Variants in ZC3H3 observed in about 807,000 individuals in gnomAD.
ZC3H3 encodes zinc finger CCCH domain-containing protein 3.
Under a neutral mutation model 77.3 loss-of-function variants are expected in ZC3H3, and 36 were observed. The ratio of observed to expected loss-of-function variants is 0.47; its 90% confidence interval spans 0.36 to 0.61. The LOEUF is 0.61. Ranked by LOEUF, ZC3H3 falls within the 20% of genes least tolerant of loss-of-function variation. The pLI, the probability that ZC3H3 is intolerant of heterozygous loss-of-function variation, is 0.00. For missense variants in ZC3H3, 1,331 were observed against 1,312.2 expected (o/e 1.01, Z -0.22); for synonymous variants, 626 against 555.2 (o/e 1.13, Z -1.79).
In ZC3H3 at chr8:143,462,950, C is replaced by T. The variant is rs1363783035; in HGVS notation, c.2307+2767G>A. On this transcript the variant is annotated intron_variant, in intron 9 of 11. Coordinates refer to ENST00000262577, the MANE Select transcript of ZC3H3 (RefSeq NM_015117.3). The surrounding 1 kb of genome is among the most constrained non-coding windows in gnomAD (Gnocchi z 4.7). Reference sequence around the variant, plus strand: ...CGCCCTGCAGGAGCAGCTGTCCCACCTAGAGCCACCAGGAGCAGCGCCCAG... The same window carrying T: ...CGCCCTGCAGGAGCAGCTGTCCCACTTAGAGCCACCAGGAGCAGCGCCCAG... Among the ~76,000 whole-genome samples, 1 of 151,882 alleles carries T rather than the reference C, an allele frequency of 6.6e-6. No homozygotes were observed. The highest frequency in any genetic ancestry group is 1.9e-4 in the East Asian group (1 of 5,164).
At chr8:143,457,978 T>G (rs1820164400) in intron 9 of ZC3H3, among the ~76,000 whole-genome samples, 1 of 151,560 alleles carries the variant, frequency 6.6e-6, no homozygotes, top group African/African-American at 2.4e-5. Context: ...AAGAAAGAAA[T>G]AATAAGAGCA....
chr8:143,510,548 C>G (rs999242450), intron 3 of ZC3H3, among the ~76,000 whole-genome samples: 1 of 152,228 alleles, frequency 6.6e-6, no homozygotes, highest in African/African-American at 2.4e-5. Flanking sequence ...GCATGGCACA[C>G]GGACCCAGAA....
intron 4 of ZC3H3, among the ~76,000 whole-genome samples, chr8:143,486,653 C>G (rs1363148190): frequency 2.6e-5 from 4 of 152,110 alleles, no homozygotes; most frequent in Admixed American, 6.6e-5. Context: ...AGAATGGCAC[C>G]CGCTACATGA....
At chr8:143,478,519 G>GT (rs1015744778) in intron 4 of ZC3H3, among the ~76,000 whole-genome samples, 16 of 152,178 alleles carry the variant, frequency 1.1e-4, no homozygotes, top group Non-Finnish European at 1.9e-4. Context: ...TTATTTTTTT[G>GT]TTTTTTTGAG....
At chr8:143,531,034 A>C (rs1473408875) in intron 3 of ZC3H3, among the ~76,000 whole-genome samples, 1 of 145,080 alleles carries the variant, frequency 6.9e-6, no homozygotes, top group African/African-American at 2.6e-5. Context: ...ATCATGGCTC[A>C]CTAGAGCCTC....
At chr8:143,536,561 AC>A in intron 2 of ZC3H3, 108 bp from the exon 3 acceptor site, 1 of 1,206,940 alleles carries the variant, frequency 8.3e-7, no homozygotes, top group Non-Finnish European at 1.1e-6. Context: ...GAAGGCCAGG[AC>A]CAGGCCACAG....
At chr8:143,457,433 CA>C (rs893035942) in intron 9 of ZC3H3, among the ~76,000 whole-genome samples, 2 of 150,924 alleles carry the variant, frequency 1.3e-5, no homozygotes, top group Admixed American at 1.3e-4. Context: ...GTAAAACAAA[CA>C]AAAAAAAATC....
intron 3 of ZC3H3, 27 bp downstream of exon 3, chr8:143,536,230 T>C: frequency 1.3e-6 from 2 of 1,596,914 alleles, no homozygotes; most frequent in Non-Finnish European, 1.7e-6. Context: ...CCAGCCCCAG[T>C]GCCCAGCGCC....
rs563929533 is a variant in ZC3H3, at chr8:143,507,173, C to T, written c.1715+573G>A. On this transcript the variant is annotated intron_variant, in intron 4 of 11. Coordinates refer to ENST00000262577, the MANE Select transcript of ZC3H3 (RefSeq NM_015117.3). ...TGACTGAGCAGGTGGCAAAGCCTCC[C>T]GGGATAGCGGCCCCAGGAGGGCAAA... is the stretch of plus-strand genomic sequence containing the variant. Among the ~76,000 whole-genome samples, 4 of 152,366 alleles carry T rather than the reference C, an allele frequency of 2.6e-5. No individual in the cohort carries two copies. The East Asian group carries it at 5.8e-4, about 22-fold the overall frequency.
intron 4 of ZC3H3, among the ~76,000 whole-genome samples, chr8:143,480,465 A>G (rs1820877973): frequency 6.6e-6 from 1 of 152,196 alleles, no homozygotes; most frequent in African/African-American, 2.4e-5. Flanking sequence ...GCAGGCTGAG[A>G]GGGGCCTCAC....
rs73715648 is a variant in ZC3H3, at chr8:143,517,246, G to A, written c.1562-9347C>T. Reference sequence around the variant, plus strand: ...CGTGACAGTTGCTATAGATTATGGAGAGTGGGGCTTCCTCCCCTCTTCCCC... The same window carrying A: ...CGTGACAGTTGCTATAGATTATGGAAAGTGGGGCTTCCTCCCCTCTTCCCC... On this transcript the variant is annotated intron_variant, in intron 3 of 11. Transcript: ENST00000262577. Among the ~76,000 whole-genome samples, 601 of 152,332 alleles carry A rather than the reference G, an allele frequency of 3.9e-3. 4 individuals are homozygous for A. Among genetic ancestry groups the A allele is most frequent in the African/African-American group, 0.013 (558 of 41,578 alleles).
At chr8:143,458,270 AACTG>A (rs1414827346) in intron 9 of ZC3H3, among the ~76,000 whole-genome samples, 1 of 152,026 alleles carries the variant, frequency 6.6e-6, no homozygotes, top group Non-Finnish European at 1.5e-5. Flanking sequence ...AATCCACCAA[AACTG>A]ACTGAAGAGT....
At chr8:143,500,460 C>T (rs1051772931) in intron 4 of ZC3H3, among the ~76,000 whole-genome samples, 1 of 152,246 alleles carries the variant, frequency 6.6e-6, no homozygotes, top group Non-Finnish European at 1.5e-5. Flanking sequence ...CAGGATGAGG[C>T]GGGCAGGGCG....
chr8:143,478,190 T>C (rs1171556145), intron 4 of ZC3H3, among the ~76,000 whole-genome samples: 1 of 152,140 alleles, frequency 6.6e-6, no homozygotes, highest in Non-Finnish European at 1.5e-5. Context: ...AACCCAGGTG[T>C]GCAAGGACTC....
chr8:143,527,474 C>A (rs746032177), intron 3 of ZC3H3, among the ~76,000 whole-genome samples: 40 of 152,130 alleles, frequency 2.6e-4, no homozygotes, highest in Non-Finnish European at 5.7e-4. Flanking sequence ...AGCACCACCA[C>A]GGCACACACG....
intron 3 of ZC3H3, among the ~76,000 whole-genome samples, chr8:143,525,059 T>C (rs1822369189): frequency 6.6e-6 from 1 of 152,196 alleles, no homozygotes; most frequent in Non-Finnish European, 1.5e-5. Context: ...GCCACACACC[T>C]CCCTTGAAAT....
At chr8:143,534,397 C>CAA (rs568478662) in intron 3 of ZC3H3, among the ~76,000 whole-genome samples, 78 of 152,188 alleles carry the variant, frequency 5.1e-4, no homozygotes, top group African/African-American at 1.8e-3. Flanking sequence ...GGTGGCCTCC[C>CAA]AAACCCACTC....
rs115061386 is a variant in ZC3H3, at chr8:143,516,248, A to C, written c.1562-8349T>G. On this transcript the variant is annotated intron_variant, in intron 3 of 11. Coordinates refer to ENST00000262577, the MANE Select transcript of ZC3H3 (RefSeq NM_015117.3). The stretch of plus-strand genomic sequence containing the variant: ...TGAATTTTTATGAGTCTAATAAATC[A>C]CTCCACTTTTCTTGTATGTGATGGC... Among the ~76,000 whole-genome samples the C allele has an allele frequency of 8.7e-3, 1,320 of 152,058 alleles. 21 individuals are homozygous for C. The highest frequency in any genetic ancestry group is 0.03 in the African/African-American group (1,252 of 41,450).
In ZC3H3 at chr8:143,531,411, C is replaced by A. The variant is rs556513709; in HGVS notation, c.1561+4846G>T. Among the ~76,000 whole-genome samples the A allele has an allele frequency of 5.3e-5, 8 of 152,320 alleles. No individual in the cohort carries two copies. The East Asian group carries it at 1.5e-3, about 29-fold the overall frequency. On this transcript the variant is annotated intron_variant, in intron 3 of 11. Transcript: ENST00000262577. The stretch of plus-strand genomic sequence containing the variant: ...CCCCAGCCGAGGTCTGACTCCAGGC[C>A]CAGAGGACTTCGGAGGGCCGGGAGA...
Sources: gnomAD v4.1 joint callset for allele counts (sites outside exome capture counted in the v4.1 genomes callset) on GRCh38, gnomAD v4.1.1 for gene constraint, Gnocchi (gnomAD v3.1) non-coding constraint, MANE v1.5 for transcripts, NCBI Gene and HGNC (gene_info 2026-07-23, HGNC 2026-07-21) for gene names.